GALNTL6: variants seen among roughly 807,000 people sequenced by gnomAD.
GALNTL6 encodes polypeptide N-acetylgalactosaminyltransferase like 6.
Under a neutral mutation model 73.7 loss-of-function variants are expected in GALNTL6, and 46 were observed. The ratio of observed to expected loss-of-function variants is 0.62; its 90% CI spans 0.49 to 0.80. The LOEUF is 0.80. GALNTL6 is among the 30% of genes least tolerant of loss of function. The probability of loss-of-function intolerance (pLI) is 0.00; values close to 1 mark genes in which losing one functional copy is unlikely to be tolerated. For missense variants in GALNTL6, 604 were observed against 755.0 expected, an observed-to-expected ratio of 0.80 and a Z score of 2.34; for synonymous variants, 259 against 263.7, an observed-to-expected ratio of 0.98 and a Z score of 0.17.
At chr4:172,678,350 A>ATTTT (rs56057771) in intron 5 of GALNTL6, among the ~76,000 whole-genome samples, 73 of 148,894 alleles carry the variant, frequency 4.9e-4, no homozygotes, top group Middle Eastern at 3.5e-3. Flanking sequence ...ACTAATTACT[A>ATTTT]TTTTTTTTTT....
chr4:171,950,310 G>A (rs1453690698), intron 2 of GALNTL6, among the ~76,000 whole-genome samples: 1 of 152,044 alleles, frequency 6.6e-6, no homozygotes, highest in Non-Finnish European at 1.5e-5. Flanking sequence ...AATAGGGAAG[G>A]GAAGGTCTGA....
intron 5 of GALNTL6, among the ~76,000 whole-genome samples, chr4:172,779,239 G>A (rs1560946998): frequency 6.6e-6 from 1 of 152,134 alleles, no homozygotes. Flanking sequence ...GGTGAGTTGA[G>A]GCAGAGGTGT....
chr4:172,167,757 G>C (rs1459780556), intron 2 of GALNTL6, among the ~76,000 whole-genome samples: 1 of 149,606 alleles, frequency 6.7e-6, no homozygotes, highest in Admixed American at 6.7e-5. Flanking sequence ...AGGAGATCGA[G>C]ACCATCCTGG....
At chr4:172,488,762 CAG>C (rs2110739099) in intron 5 of GALNTL6, among the ~76,000 whole-genome samples, 1 of 150,312 alleles carries the variant, frequency 6.7e-6, no homozygotes, top group South Asian at 2.1e-4. Flanking sequence ...AATTTACAGA[CAG>C]ATTTCAGAAC....
chr4:172,850,481 T>C lies in GALNTL6; in HGVS notation c.924-32309T>C, dbSNP rs535713618. Among the ~76,000 whole-genome samples, 24 of 152,310 alleles carry C rather than the reference T, an allele frequency of 1.6e-4. No homozygotes were observed. The South Asian group carries it at 3.1e-3, about 20-fold the overall frequency. On this transcript the variant is annotated intron_variant, in intron 7 of 12. Transcript: ENST00000506823. ...GGGAAAAACAAACTGTTTTTTCTTC[T>C]ACATTCACGCTTATCACGGAATACT...
At chr4:171,990,510 C>T (rs1449028640) in intron 2 of GALNTL6, among the ~76,000 whole-genome samples, 2 of 152,048 alleles carry the variant, frequency 1.3e-5, no homozygotes, top group African/African-American at 4.8e-5. Flanking sequence ...TATTCTGATA[C>T]TTTATATCAG....
At chr4:173,038,442 G>A (rs919277837) in intron 12 of GALNTL6, among the ~76,000 whole-genome samples, 1 of 152,196 alleles carries the variant, frequency 6.6e-6, no homozygotes, top group African/African-American at 2.4e-5. Flanking sequence ...CACCCCAGAG[G>A]AGAGGGAGGA....
At chr4:172,417,683 A>G (rs2111355122) in intron 5 of GALNTL6, among the ~76,000 whole-genome samples, 1 of 152,256 alleles carries the variant, frequency 6.6e-6, no homozygotes, top group East Asian at 1.9e-4. Context: ...ATTTAAATTG[A>G]AAAAGATATT....
At position 172,510,397 on chromosome 4, in the gene GALNTL6, G is replaced by A. The variant is rs1178295711; in HGVS notation, c.553+161708G>A. Among the ~76,000 whole-genome samples the A allele has an allele frequency of 7.3e-5, 4 of 54,626 alleles. 1 individual carries two copies. The highest frequency in any genetic ancestry group is 1.8e-4 in the African/African-American group (4 of 21,812). 35.8% of individuals were successfully genotyped at this position (54,626 alleles called of 152,430 possible). ...ATCTTCTACTCCATGATCAGTGACA[G>A]TTTGATTTCTTCTTTGCTGATTTGG... On this transcript the variant is annotated intron_variant, in intron 5 of 12. Transcript: ENST00000506823.
At chr4:172,356,446 T>C (rs574416962) in intron 5 of GALNTL6, among the ~76,000 whole-genome samples, 24 of 151,480 alleles carry the variant, frequency 1.6e-4, no homozygotes, top group African/African-American at 5.6e-4. Context: ...AAAAAATCAT[T>C]GCATCTACAC....
chr4:173,002,794 CAAAA>C (rs34412958), intron 10 of GALNTL6, among the ~76,000 whole-genome samples: 5 of 82,920 alleles, frequency 6.0e-5, no homozygotes, highest in Non-Finnish European at 7.9e-5. Flanking sequence ...GACTCCGTCT[CAAAA>C]AAAAAAAAAA....
intron 4 of GALNTL6, among the ~76,000 whole-genome samples, chr4:172,312,274 G>T (rs1376658070): frequency 1.3e-5 from 2 of 152,240 alleles, no homozygotes; most frequent in East Asian, 3.9e-4. Flanking sequence ...CTTGTCTGTT[G>T]ACAGTGAGTT....
rs527742352 is a variant in GALNTL6, at chr4:172,909,448, A to G, written c.1042-21713A>G. Among the ~76,000 whole-genome samples the G allele has an allele frequency of 8.5e-5, 13 of 152,180 alleles. No individual in the cohort carries two copies. The East Asian group carries it at 2.5e-3, about 29-fold the overall frequency. The stretch of plus-strand genomic sequence containing the variant: ...CTTCATAAATAACGATCTCTCATAA[A>G]TCAACAAGATTAAGCATCATTTTTA... On this transcript the variant is annotated intron_variant, in intron 8 of 12. Transcript: ENST00000506823.
intron 5 of GALNTL6, among the ~76,000 whole-genome samples, chr4:172,636,216 C>G (rs773239843): frequency 6.6e-6 from 1 of 152,154 alleles, no homozygotes; most frequent in Non-Finnish European, 1.5e-5. Context: ...GGTCATTAGT[C>G]TGATGTCAGA....
At chr4:172,768,996 G>A (rs1738601666) in intron 5 of GALNTL6, among the ~76,000 whole-genome samples, 1 of 151,884 alleles carries the variant, frequency 6.6e-6, no homozygotes, top group African/African-American at 2.4e-5. Flanking sequence ...CCTTTTTGCT[G>A]GTCCGCAAAC....
At chr4:172,983,667 C>T (rs1051147233) in intron 10 of GALNTL6, among the ~76,000 whole-genome samples, 1 of 152,078 alleles carries the variant, frequency 6.6e-6, no homozygotes, top group African/African-American at 2.4e-5. Context: ...TGCACTCCAG[C>T]CTGGACAACA....
intron 2 of GALNTL6, among the ~76,000 whole-genome samples, chr4:171,881,490 G>T (rs1170734628): frequency 6.6e-6 from 1 of 152,108 alleles, no homozygotes; most frequent in African/African-American, 2.4e-5. Context: ...TCTGGCAGCT[G>T]ATTAGATTGT....
intron 2 of GALNTL6, among the ~76,000 whole-genome samples, chr4:171,997,463 T>C (rs773701793): frequency 6.6e-5 from 10 of 152,084 alleles, no homozygotes; most frequent in Non-Finnish European, 1.2e-4. Flanking sequence ...CTGTTGAGCA[T>C]CATAGCTTAC....
intron 5 of GALNTL6, among the ~76,000 whole-genome samples, chr4:172,467,838 CT>C (rs1417815101): frequency 9.5e-5 from 14 of 146,976 alleles, no homozygotes; most frequent in Non-Finnish European, 2.1e-4. Context: ...TTCTTTCTTT[CT>C]TTCTTTCTTT....
Sources: gnomAD v4.1 joint callset for allele counts (sites outside exome capture counted in the v4.1 genomes callset) on GRCh38, gnomAD v4.1.1 for gene constraint, MANE v1.5 for transcripts, NCBI Gene and HGNC (gene_info 2026-07-23, HGNC 2026-07-21) for gene names.